Variants in MACO1 observed in about 807,000 individuals in gnomAD.
MACO1 encodes the protein macoilin.
In MACO1, 14 loss-of-function variants were observed where a neutral mutation model predicts 78.7. The observed-to-expected ratio is 0.18, with a 90% CI of 0.12 to 0.28. MACO1 has a LOEUF of 0.28. Ranked by LOEUF, MACO1 falls within the 10% of genes least tolerant of loss-of-function variation. MACO1 has a pLI of 1.00. For synonymous variants in MACO1, 288 were observed against 291.6 expected, an observed-to-expected ratio of 0.99 and a Z score of 0.12; for missense variants, 501 against 799.0, an observed-to-expected ratio of 0.63 and a Z score of 4.50.
chr1:25,488,028 C>A (rs1571989099), intron 8 of MACO1, among the ~76,000 whole-genome samples: 1 of 152,114 alleles, frequency 6.6e-6, no homozygotes, highest in African/African-American at 2.4e-5. Flanking sequence ...TCTGGCTCAT[C>A]TAGACACTCA....
At chr1:25,439,311 G>A (rs1230745914) in intron 1 of MACO1, among the ~76,000 whole-genome samples, 8 of 151,544 alleles carry the variant, frequency 5.3e-5, no homozygotes, top group African/African-American at 1.5e-4. Flanking sequence ...TGGGAGGATC[G>A]CTTGAGCTCA....
In MACO1 at chr1:25,485,933, T is replaced by C. The variant is rs549422518; in HGVS notation, c.1496+138T>C. On this transcript the variant is annotated intron_variant, in intron 8 of 10. Coordinates refer to ENST00000374343, the MANE Select transcript of MACO1 (RefSeq NM_018202.6). This position sits in a 1 kb window ranked among gnomAD's most constrained non-coding sequence, Gnocchi z 4.3. Reference sequence around the variant, plus strand: ...GGATTGCTTTTAAGTACTGTTTTATTAACTGGTTTAAACTCCATGTGTGCA... The same window carrying C: ...GGATTGCTTTTAAGTACTGTTTTATCAACTGGTTTAAACTCCATGTGTGCA... 3.7e-5 allele frequency: 34 copies of C among 927,800 alleles called. No individual in the cohort carries two copies. The East Asian group carries it at 7.6e-4, about 21-fold the overall frequency. The allele number at this position is 927,800 out of a possible 1,614,324, so 57.5% of individuals were successfully genotyped here. A position where few individuals can be genotyped will look rare whatever the true frequency, so the allele number is the denominator to read the frequency against.
chr1:25,477,840 T>G (rs2043335685), intron 6 of MACO1, among the ~76,000 whole-genome samples: 1 of 152,234 alleles, frequency 6.6e-6, no homozygotes. Context: ...GTGTGGGCTG[T>G]AATTCAGGTA....
At chr1:25,460,719 G>A (rs2043163266) in intron 6 of MACO1, among the ~76,000 whole-genome samples, 1 of 152,074 alleles carries the variant, frequency 6.6e-6, no homozygotes, top group Non-Finnish European at 1.5e-5. Flanking sequence ...GAAGTTCAAG[G>A]ACCCAGATGG....
At chr1:25,469,540 T>C (rs1258942413) in intron 6 of MACO1, among the ~76,000 whole-genome samples, 3 of 152,172 alleles carry the variant, frequency 2.0e-5, no homozygotes. Flanking sequence ...ATTGCTCAAA[T>C]GTGGCTTGAC....
In MACO1 at chr1:25,484,122, A is replaced by G. The variant is rs371150453; in HGVS notation, c.1161A>G (p.Glu387=). Residue 387 remains glutamate (E), a synonymous_variant, in exon 7 of 11, where the codon GAA becomes GAG. Transcript: ENST00000374343. ...GCATTTCTCATTCTCCTAGGCTGGA[A>G]CAAGACATTAAAAAGTTAAAGGCTG... ...LSKPDALVRL[E]QDIKKLKADL... 6.2e-6 allele frequency: 10 copies of G among 1,610,522 alleles called. No individual in the cohort carries two copies. Among genetic ancestry groups the G allele is most frequent in the Non-Finnish European group, 8.5e-6 (10 of 1,178,928 alleles).
chr1:25,491,366 G>A (rs2043484332), intron 9 of MACO1, 44 bp from the exon 10 acceptor site: 2 of 1,608,012 alleles, frequency 1.2e-6, no homozygotes, highest in Admixed American at 3.4e-5. Context: ...AGACATCGAT[G>A]CCAAAACTAC....
At chr1:25,448,626 C>T (rs1434972629) in intron 2 of MACO1, among the ~76,000 whole-genome samples, 182 bp from the exon 3 acceptor site, 6 of 152,140 alleles carry the variant, frequency 3.9e-5, no homozygotes, top group South Asian at 4.1e-4. Flanking sequence ...GTTAAAGTAA[C>T]CGCTACTTTT....
chr1:25,457,079 T>C (rs2043128089), intron 5 of MACO1, among the ~76,000 whole-genome samples: 1 of 151,746 alleles, frequency 6.6e-6, no homozygotes, highest in Admixed American at 6.6e-5. Context: ...ATATCTTTTT[T>C]ATATTTTAAT....
At position 25,485,359 on chromosome 1, in the gene MACO1, T is replaced by G. The variant is rs1051340762; in HGVS notation, c.1314-254T>G. On this transcript the variant is annotated intron_variant, in intron 7 of 10. Coordinates refer to ENST00000374343, the MANE Select transcript of MACO1 (RefSeq NM_018202.6). The surrounding 1 kb of genome is among the most constrained non-coding windows in gnomAD (Gnocchi z 4.3). ...TTACCCTGTTTTCTGGATGACCTTT[T>G]GTAGATCACTTACTTGAACAGAGCA... 6.6e-6 allele frequency among the ~76,000 whole-genome samples: 1 copy of G among 152,180 alleles called. No individual in the cohort carries two copies. The highest frequency in any genetic ancestry group is 2.4e-5 in the African/African-American group (1 of 41,456).
At chr1:25,444,607 G>A (rs1056891507) in intron 1 of MACO1, among the ~76,000 whole-genome samples, 1 of 152,038 alleles carries the variant, frequency 6.6e-6, no homozygotes, top group African/African-American at 2.4e-5. Context: ...TTTGTTTTGA[G>A]ACAGGGTCTT....
At chr1:25,480,317 G>A (rs1323518211) in intron 6 of MACO1, among the ~76,000 whole-genome samples, 1 of 152,220 alleles carries the variant, frequency 6.6e-6, no homozygotes, top group African/African-American at 2.4e-5. Flanking sequence ...GAATGCTGGT[G>A]TTAACTCTCA....
chr1:25,481,787 G>A (rs1389510781), intron 6 of MACO1, among the ~76,000 whole-genome samples: 2 of 152,096 alleles, frequency 1.3e-5, no homozygotes, highest in Non-Finnish European at 2.9e-5. Context: ...GTGTGATGTC[G>A]ACTTGTGACC....
intron 8 of MACO1, among the ~76,000 whole-genome samples, chr1:25,486,049 G>T (rs950907033): frequency 6.6e-6 from 1 of 152,176 alleles, no homozygotes; most frequent in African/African-American, 2.4e-5. Context: ...TACCTGGGAG[G>T]CAAAGTACTG....
intron 6 of MACO1, among the ~76,000 whole-genome samples, chr1:25,483,348 G>A (rs570407528): frequency 6.6e-6 from 1 of 152,306 alleles, no homozygotes; most frequent in South Asian, 2.1e-4. Flanking sequence ...ACTGCGCCTG[G>A]CCGATAGTTT....
intron 9 of MACO1, among the ~76,000 whole-genome samples, chr1:25,490,839 GA>G (rs1459547617): frequency 1.3e-5 from 2 of 152,212 alleles, no homozygotes; most frequent in African/African-American, 4.8e-5. Flanking sequence ...AAGATTAAAA[GA>G]AATATTAAAT....
chr1:25,432,741 G>A (rs1026762913), intron 1 of MACO1, among the ~76,000 whole-genome samples: 2 of 152,174 alleles, frequency 1.3e-5, no homozygotes, highest in Non-Finnish European at 2.9e-5. Context: ...AAACCGAGTT[G>A]GTAGACTTAG....
rs938389077 is a variant in MACO1 at position 25,462,259 on chromosome 1, G to A, written c.1154+3367G>A. On this transcript the variant is annotated intron_variant, in intron 6 of 10. Coordinates refer to ENST00000374343, the MANE Select transcript of MACO1 (RefSeq NM_018202.6). ...AGTTTCAGGCCAACAAACTTCCCCA[G>A]GGATGCTTTAGCGATAAAACTGATC... Among the ~76,000 whole-genome samples, 8 of 152,246 alleles carry A rather than the reference G, an allele frequency of 5.3e-5. No individual in the cohort carries two copies. The East Asian group carries it at 1.5e-3, about 29-fold the overall frequency.
chr1:25,448,379 G>A (rs375767515), intron 2 of MACO1, among the ~76,000 whole-genome samples: 5 of 152,086 alleles, frequency 3.3e-5, no homozygotes, highest in East Asian at 1.9e-4. Context: ...CAGAAGAATC[G>A]CTTGAACCCG....
Sources: allele counts gnomAD v4.1 joint callset (sites outside exome capture counted in the v4.1 genomes callset), GRCh38; gene constraint gnomAD v4.1.1; non-coding constraint Gnocchi (gnomAD v3.1); transcripts MANE v1.5; gene names NCBI Gene and HGNC (gene_info 2026-07-23, HGNC 2026-07-21).